The following MSRA variants were observed in gnomAD, a reference collection of about 807,000 sequenced individuals.
MSRA encodes mitochondrial peptide methionine sulfoxide reductase.
A neutral mutation model predicts 31.3 loss-of-function variants in MSRA; 54 were observed. The ratio of observed to expected loss-of-function variants is 1.73; its 90% confidence interval spans 1.39 to 2.17. The LOEUF is 2.17. MSRA is among the 30% of genes most tolerant of loss of function. The probability of loss-of-function intolerance (pLI) is 0.00; values close to 1 mark genes in which losing one functional copy is unlikely to be tolerated. For synonymous variants in MSRA, 169 were observed against 116.5 expected (o/e 1.45, Z -2.90); for missense variants, 507 against 300.9 (o/e 1.69, Z -5.07).
intron 1 of MSRA, among the ~76,000 whole-genome samples, chr8:10,108,737 T>A (rs950418403): frequency 1.3e-5 from 2 of 152,186 alleles, no homozygotes; most frequent in Non-Finnish European, 2.9e-5. Context: ...CTAGCACTTA[T>A]CAGAAATGCC....
At chr8:10,126,007 A>G (rs1003546310) in intron 1 of MSRA, among the ~76,000 whole-genome samples, 2 of 152,228 alleles carry the variant, frequency 1.3e-5, no homozygotes, top group Non-Finnish European at 2.9e-5. Context: ...GAACTCAGCC[A>G]ACTTTTAGGG....
In MSRA at chr8:10,335,736, C is replaced by G. The variant is rs535607432; in HGVS notation, c.543+15747C>G. Among the ~76,000 whole-genome samples, 6 of 152,366 alleles carry G rather than the reference C, an allele frequency of 3.9e-5. 1 individual carries two copies. Among genetic ancestry groups the G allele is most frequent in the Admixed American group, 3.9e-4 (6 of 15,310 alleles). On this transcript the variant is annotated intron_variant, in intron 5 of 5. Coordinates refer to ENST00000317173, the MANE Select transcript of MSRA (RefSeq NM_012331.5). ...TCAATCCCCAGAGGGAGGGCACCCA[C>G]TGCGATTTGGCTGTGGTTGGTCACC...
intron 1 of MSRA, among the ~76,000 whole-genome samples, chr8:10,185,453 G>C (rs1187996395): frequency 6.6e-6 from 1 of 152,146 alleles, no homozygotes; most frequent in African/African-American, 2.4e-5. Flanking sequence ...CCCTGTTTCT[G>C]CCTTTCTACC....
chr8:10,074,722 G>A (rs1277551884), intron 1 of MSRA, among the ~76,000 whole-genome samples: 2 of 151,812 alleles, frequency 1.3e-5, no homozygotes, highest in Admixed American at 6.6e-5. Context: ...GCAGTAGTAC[G>A]ACGCCTCCTC....
At chr8:10,097,249 TAATC>T (rs1428897254) in intron 1 of MSRA, among the ~76,000 whole-genome samples, 1 of 152,240 alleles carries the variant, frequency 6.6e-6, no homozygotes, top group Non-Finnish European at 1.5e-5. Flanking sequence ...ACTTTTTAAT[TAATC>T]AACATTTTGA....
chr8:10,271,862 G>T (rs1266647724), intron 3 of MSRA, among the ~76,000 whole-genome samples: 4 of 151,984 alleles, frequency 2.6e-5, no homozygotes, highest in African/African-American at 9.7e-5. Flanking sequence ...GGGATTATAG[G>T]CACGTGCTAC....
chr8:10,280,329 T>C (rs1289119194), intron 3 of MSRA, among the ~76,000 whole-genome samples: 1 of 150,920 alleles, frequency 6.6e-6, no homozygotes, highest in African/African-American at 2.4e-5. Flanking sequence ...TTAACTTATT[T>C]TGTTGATATT....
At chr8:10,206,472 G>T (rs748298527) in intron 1 of MSRA, among the ~76,000 whole-genome samples, 2 of 152,208 alleles carry the variant, frequency 1.3e-5, no homozygotes, top group Non-Finnish European at 2.9e-5. Context: ...GGAACTGATG[G>T]AATCCCTAAG....
chr8:10,173,592 A>T (rs1362728487), intron 1 of MSRA, among the ~76,000 whole-genome samples: 1 of 152,126 alleles, frequency 6.6e-6, no homozygotes, highest in African/African-American at 2.4e-5. Flanking sequence ...CTGACACCTC[A>T]AACGTATGCT....
chr8:10,229,889 G>A (rs1224340642), intron 2 of MSRA, among the ~76,000 whole-genome samples: 1 of 152,180 alleles, frequency 6.6e-6, no homozygotes, highest in Non-Finnish European at 1.5e-5. Context: ...GTTTGACTCT[G>A]CATTCCCCGT....
intron 4 of MSRA, among the ~76,000 whole-genome samples, chr8:10,314,209 A>AT (rs1801591219): frequency 6.6e-6 from 1 of 152,212 alleles, no homozygotes; most frequent in South Asian, 2.1e-4. Context: ...AAATGCCAAG[A>AT]ACAGAAAAAA....
intron 3 of MSRA, among the ~76,000 whole-genome samples, chr8:10,277,788 G>T (rs1268190692): frequency 6.6e-6 from 1 of 152,052 alleles, no homozygotes; most frequent in African/African-American, 2.4e-5. Context: ...AATAAGTATG[G>T]GAGGTAATGC....
chr8:10,057,260 G>A lies in MSRA; in HGVS notation c.142+2602G>A, dbSNP rs115889494. Among the ~76,000 whole-genome samples, 1,199 of 152,260 alleles carry A rather than the reference G, an allele frequency of 7.9e-3. 14 individuals carry two copies. Among genetic ancestry groups the A allele is most frequent in the African/African-American group, 0.027 (1,137 of 41,552 alleles). ...TGGGCAGTGCTGGCTGGCTGGTAGG[G>A]CACACGGCAATGTGTCTTGCCCTGT... is the stretch of plus-strand genomic sequence containing the variant. On this transcript the variant is annotated intron_variant, in intron 1 of 5. Transcript: ENST00000317173.
At chr8:10,270,873 A>G (rs1798998454) in intron 3 of MSRA, among the ~76,000 whole-genome samples, 1 of 152,144 alleles carries the variant, frequency 6.6e-6, no homozygotes, top group Non-Finnish European at 1.5e-5. Context: ...TGCAGGGGAG[A>G]GGCACCCGGA....
intron 5 of MSRA, among the ~76,000 whole-genome samples, chr8:10,350,444 G>C (rs1019289287): frequency 6.6e-6 from 1 of 152,200 alleles, no homozygotes; most frequent in East Asian, 1.9e-4. Flanking sequence ...AAGGCATTTA[G>C]ATCTGACACT....
intron 1 of MSRA, among the ~76,000 whole-genome samples, chr8:10,146,376 G>C (rs1305791739): frequency 4.6e-5 from 7 of 152,196 alleles, no homozygotes; most frequent in Admixed American, 3.9e-4. Flanking sequence ...GTGAAACTGT[G>C]AGCAAAAGCA....
At chr8:10,080,927 A>G (rs1798262176) in intron 1 of MSRA, among the ~76,000 whole-genome samples, 1 of 152,202 alleles carries the variant, frequency 6.6e-6, no homozygotes, top group Admixed American at 6.5e-5. Flanking sequence ...AAGGTCTTCC[A>G]TACCGCAGAA....
At chr8:10,302,446 A>T (rs1800898584) in intron 4 of MSRA, among the ~76,000 whole-genome samples, 1 of 152,206 alleles carries the variant, frequency 6.6e-6, no homozygotes, top group African/African-American at 2.4e-5. Flanking sequence ...TATTTCACCA[A>T]AGTATTTTCT....
At chr8:10,247,764 T>C (rs1344119508) in intron 3 of MSRA, among the ~76,000 whole-genome samples, 1 of 152,190 alleles carries the variant, frequency 6.6e-6, no homozygotes, top group African/African-American at 2.4e-5. Context: ...GACGATTTCT[T>C]TCCCTAGGCT....
Sources: gnomAD v4.1 joint callset for allele counts (sites outside exome capture counted in the v4.1 genomes callset) on GRCh38, gnomAD v4.1.1 for gene constraint, MANE v1.5 for transcripts, NCBI Gene and HGNC (gene_info 2026-07-23, HGNC 2026-07-21) for gene names.